WDR35: variants seen among roughly 807,000 people sequenced by gnomAD.
WDR35 encodes WD repeat domain 35.
WDR35 carries 118 observed loss-of-function variants against 158.3 expected under a neutral mutation model. The ratio of observed to expected loss-of-function variants is 0.75; its 90% CI spans 0.64 to 0.87. The LOEUF (loss-of-function observed/expected upper bound fraction) is 0.87, where lower values mean the gene tolerates loss of function less well. Among genes scored for constraint, WDR35 ranks in the 40% least tolerant of loss-of-function variants. WDR35 has a pLI of 0.00. For missense variants in WDR35, 1,263 were observed against 1,405.8 expected, an observed-to-expected ratio of 0.90 and a Z score of 1.62; for synonymous variants, 448 against 476.1, an observed-to-expected ratio of 0.94 and a Z score of 0.77.
At chr2:19,978,641 T>A (rs1023691478) in intron 5 of WDR35, 110 bp downstream of exon 5, 3 of 1,479,060 alleles carry the variant, frequency 2.0e-6, no homozygotes, top group Non-Finnish European at 1.9e-6. Flanking sequence ...TTCCCTTTTA[T>A]GTCTATTTTT....
In WDR35 at chr2:19,939,949, A is replaced by G. The variant is rs1466642903; in HGVS notation, c.1927-1548T>C. Reference sequence around the variant, plus strand: ...CTTAGTTTGATTCTACCCACTTATGACTGTCTTTTTAAAGGGCCCTGGAAG... The same window carrying G: ...CTTAGTTTGATTCTACCCACTTATGGCTGTCTTTTTAAAGGGCCCTGGAAG... On this transcript the variant is annotated intron_variant, in intron 17 of 26. Coordinates refer to ENST00000281405, the MANE Select transcript of WDR35 (RefSeq NM_020779.4). 2.0e-5 allele frequency among the ~76,000 whole-genome samples: 3 copies of G among 151,832 alleles called. No homozygotes were observed. The East Asian group carries it at 5.8e-4, about 29-fold the overall frequency.
chr2:19,968,273 A>G (rs1487897471), intron 9 of WDR35, among the ~76,000 whole-genome samples: 2 of 152,210 alleles, frequency 1.3e-5, no homozygotes, highest in Non-Finnish European at 2.9e-5. Context: ...AGTTTCACCA[A>G]TATAAAGCTA....
In WDR35 at chr2:19,953,833, C is replaced by T; in HGVS notation, c.1400+1G>A. 1.2e-6 allele frequency: 2 copies of T among 1,613,996 alleles called. No homozygotes were observed. The highest frequency in any genetic ancestry group is 1.7e-6 in the Non-Finnish European group (2 of 1,179,982). The stretch of plus-strand genomic sequence containing the variant: ...TAAAAAGTATGTATCAAAAGATATA[C>T]CTTTCTCTCCCTTCTTTTCGAGACC... On this transcript the variant is annotated splice_donor_variant, in intron 12 of 26. Transcript: ENST00000281405. LOFTEE classifies it high-confidence loss of function.
chr2:19,964,578 T>C (rs555591987), intron 10 of WDR35, among the ~76,000 whole-genome samples: 1 of 151,860 alleles, frequency 6.6e-6, no homozygotes, highest in South Asian at 2.1e-4. Flanking sequence ...GAGACAGGGT[T>C]TCACCGTGTT....
At chr2:19,938,665 G>A (rs1445688538) in intron 17 of WDR35, among the ~76,000 whole-genome samples, 1 of 152,136 alleles carries the variant, frequency 6.6e-6, no homozygotes. Flanking sequence ...GTCCCTCACA[G>A]TTATGCATCC....
At chr2:19,967,463 C>T (rs1024848204) in intron 9 of WDR35, among the ~76,000 whole-genome samples, 4 of 152,156 alleles carry the variant, frequency 2.6e-5, no homozygotes, top group African/African-American at 9.7e-5. Flanking sequence ...TTAACTGCAA[C>T]TGTTCTGGTG....
intron 7 of WDR35, among the ~76,000 whole-genome samples, chr2:19,973,972 T>C (rs1672112849): frequency 6.7e-6 from 1 of 148,962 alleles, no homozygotes; most frequent in Non-Finnish European, 1.5e-5. Flanking sequence ...GCTGGAGGAG[T>C]TGGTGCACAC....
chr2:19,929,972 T>G (rs1163136219), intron 25 of WDR35, among the ~76,000 whole-genome samples: 1 of 151,632 alleles, frequency 6.6e-6, no homozygotes, highest in African/African-American at 2.4e-5. Flanking sequence ...AAAAAGTACA[T>G]AAAAGTATGC....
chr2:19,969,208 T>C (rs1671955884), intron 9 of WDR35, among the ~76,000 whole-genome samples: 2 of 152,236 alleles, frequency 1.3e-5, no homozygotes, highest in South Asian at 2.1e-4. Context: ...CTGTTCCCTT[T>C]AGCCCTGCCC....
chr2:19,923,612 G>T (rs541488642), intron 25 of WDR35, among the ~76,000 whole-genome samples: 1 of 152,146 alleles, frequency 6.6e-6, no homozygotes, highest in South Asian at 2.1e-4. Flanking sequence ...TGACCCTCCA[G>T]ATCTTTCTTT....
At chr2:19,920,194 A>C (rs562374305) in intron 25 of WDR35, among the ~76,000 whole-genome samples, 1 of 152,330 alleles carries the variant, frequency 6.6e-6, no homozygotes, top group East Asian at 1.9e-4. Context: ...TATTCCAAAC[A>C]ACAGAAAAAG....
intron 2 of WDR35, among the ~76,000 whole-genome samples, chr2:19,986,450 A>C (rs923022584): frequency 2.6e-5 from 4 of 152,246 alleles, no homozygotes; most frequent in African/African-American, 9.6e-5. Flanking sequence ...AAATCTAGCA[A>C]AGAGACTGAG....
At chr2:19,921,427 A>G (rs1670164626) in intron 25 of WDR35, among the ~76,000 whole-genome samples, 1 of 152,198 alleles carries the variant, frequency 6.6e-6, no homozygotes, top group African/African-American at 2.4e-5. Context: ...AACGCCAAAC[A>G]TCTACAACCA....
chr2:19,911,873 A>G lies in WDR35; in HGVS notation c.*1685T>C, dbSNP rs1669845809. On this transcript the variant is annotated 3_prime_UTR_variant, in exon 27 of 27. Transcript: ENST00000281405. ...TCTGGCCTGTCCTTACCCAAGAAAT[A>G]CAATAAAATTCATGACTGCTCAGCA... is the stretch of plus-strand genomic sequence containing the variant. 6.6e-6 allele frequency: 1 copy of G among 152,242 alleles called. No homozygotes were observed. Among genetic ancestry groups the G allele is most frequent in the East Asian group, 1.9e-4 (1 of 5,204 alleles). The allele number at this position is 152,242 out of a possible 1,614,324, so 9.4% of individuals were successfully genotyped here.
chr2:19,964,297 A>C (rs371366281), intron 10 of WDR35, among the ~76,000 whole-genome samples: 4 of 151,136 alleles, frequency 2.6e-5, no homozygotes, highest in African/African-American at 9.7e-5. Context: ...AATTTTCTTG[A>C]ATTTTTTTTT....
rs1245472481 is a variant in WDR35, at chr2:19,913,463, C to T, written c.*95G>A. 2 of 1,490,832 alleles carry T rather than the reference C, an allele frequency of 1.3e-6. No individual in the cohort carries two copies. Among genetic ancestry groups the T allele is most frequent in the African/African-American group, 1.4e-5 (1 of 72,218 alleles). 92.4% of individuals were successfully genotyped at this position (1,490,832 alleles called of 1,614,324 possible). On this transcript the variant is annotated 3_prime_UTR_variant, in exon 27 of 27. Transcript: ENST00000281405. ...ATAAATAATGAGGCTGATTTTCATA[C>T]AAAACTCACAGAAATAAACCTTATT...
At chr2:19,937,979 A>G (rs1361865131) in intron 18 of WDR35, 33 bp from the exon 19 acceptor site, 1 of 1,609,912 alleles carries the variant, frequency 6.2e-7, no homozygotes, top group Non-Finnish European at 8.5e-7. Flanking sequence ...ACATAAGTGC[A>G]TATTGCAAAT....
chr2:19,944,881 G>T (rs1302585483), intron 16 of WDR35, among the ~76,000 whole-genome samples: 1 of 152,118 alleles, frequency 6.6e-6, no homozygotes, highest in African/African-American at 2.4e-5. Flanking sequence ...AGGGGCCCAA[G>T]CATGCAATTT....
intron 2 of WDR35, among the ~76,000 whole-genome samples, chr2:19,984,686 C>G (rs1672496719): frequency 6.6e-6 from 1 of 152,128 alleles, no homozygotes. Context: ...CATAGAAGAA[C>G]AGAAGATCAT....
Sources: gnomAD v4.1 joint callset for allele counts (sites outside exome capture counted in the v4.1 genomes callset) on GRCh38, gnomAD v4.1.1 for gene constraint, MANE v1.5 for transcripts, NCBI Gene and HGNC (gene_info 2026-07-23, HGNC 2026-07-21) for gene names.